STPG2: variants seen among roughly 807,000 people sequenced by gnomAD.
STPG2 encodes sperm-tail PG-rich repeat-containing protein 2.
Under a neutral mutation model 54.2 loss-of-function variants are expected in STPG2, and 56 were observed. The ratio of observed to expected loss-of-function variants is 1.03; its 90% CI spans 0.83 to 1.29. STPG2 has a LOEUF of 1.29. Among genes scored for constraint, STPG2 ranks in the 50% most tolerant of loss-of-function variants. The pLI, the probability that STPG2 is intolerant of heterozygous loss-of-function variation, is 0.00. For synonymous variants in STPG2, 200 were observed against 181.8 expected, an observed-to-expected ratio of 1.10 and a Z score of -0.81; for missense variants, 596 against 544.9, an observed-to-expected ratio of 1.09 and a Z score of -0.93.
chr4:97,665,236 G>A (rs886414460), intron 10 of STPG2, among the ~76,000 whole-genome samples: 10 of 152,146 alleles, frequency 6.6e-5, no homozygotes, highest in East Asian at 3.9e-4. Context: ...CTCTGTTTGC[G>A]TTACAGCTCT....
chr4:97,489,649 T>C (rs1270869214), intron 4 of STPG2: 1 of 151,710 alleles, frequency 6.6e-6, no homozygotes, highest in Non-Finnish European at 1.5e-5. Context: ...TGAGTTCTTA[T>C]ACTTTGAATG....
rs906544541 is a variant in STPG2, at chr4:97,789,499, A to G, written c.1204+51274T>C. ...GGTTTCCATTAACTAGGGAAAATCA[A>G]TTTACAATTGTTATAGTCTTTTCTT... On this transcript the variant is annotated intron_variant, in intron 9 of 10. Transcript: ENST00000295268. 2.8e-4 allele frequency among the ~76,000 whole-genome samples: 42 copies of G among 152,218 alleles called. 1 individual carries two copies. The highest frequency in any genetic ancestry group is 9.9e-4 in the African/African-American group (41 of 41,554).
intron 8 of STPG2, among the ~76,000 whole-genome samples, chr4:97,874,973 T>C (rs926452123): frequency 3.9e-5 from 6 of 152,082 alleles, no homozygotes; most frequent in Middle Eastern, 3.4e-3. Context: ...AGCCACCCAA[T>C]TGAAGGTAAT....
rs1248623043 is a variant in STPG2 at position 97,919,685 on chromosome 4, G to C, written c.1044+24212C>G. Among the ~76,000 whole-genome samples, 4 of 152,044 alleles carry C rather than the reference G, an allele frequency of 2.6e-5. No homozygotes were observed. The East Asian group carries it at 7.7e-4, about 29-fold the overall frequency. On this transcript the variant is annotated intron_variant, in intron 8 of 10. Transcript: ENST00000295268. ...TTTTTTTCAAAAACCTTCTCACGGAGAAAAATCTAAGGTCCAGAAACTTTA... is the reference window on the plus strand; with the variant it reads ...TTTTTTTCAAAAACCTTCTCACGGACAAAAATCTAAGGTCCAGAAACTTTA...
At chr4:97,553,923 T>C (rs1056606761), downstream of STPG2, among the ~76,000 whole-genome samples, 1 of 152,170 alleles carries the variant, frequency 6.6e-6, no homozygotes, top group African/African-American at 2.4e-5. Flanking sequence ...TAAGACTTGA[T>C]TTATTGAGTC....
chr4:97,779,147 A>G (rs1726502444), intron 9 of STPG2, among the ~76,000 whole-genome samples: 1 of 152,178 alleles, frequency 6.6e-6, no homozygotes, highest in Non-Finnish European at 1.5e-5. Context: ...GTAAAGGAAG[A>G]AAGTCGAACC....
At chr4:97,541,485 G>C (rs1049152915) in intron 4 of STPG2, among the ~76,000 whole-genome samples, 3 of 152,134 alleles carry the variant, frequency 2.0e-5, no homozygotes, top group Admixed American at 2.0e-4. Flanking sequence ...ACAAGCAAAT[G>C]GAAGAATATT....
chr4:97,684,433 A>C (rs1330014657), intron 10 of STPG2, among the ~76,000 whole-genome samples: 2 of 151,976 alleles, frequency 1.3e-5, no homozygotes, highest in African/African-American at 4.8e-5. Context: ...GACCAACACA[A>C]GTACAGCCAA....
intron 7 of STPG2, among the ~76,000 whole-genome samples, chr4:97,947,774 AT>A (rs1237997194): frequency 6.6e-6 from 1 of 151,994 alleles, no homozygotes; most frequent in Non-Finnish European, 1.5e-5. Context: ...ATGATGTATT[AT>A]CTTTCTGATG....
chr4:97,787,007 G>A (rs899849144), intron 9 of STPG2, among the ~76,000 whole-genome samples: 5 of 152,042 alleles, frequency 3.3e-5, no homozygotes, highest in Non-Finnish European at 7.4e-5. Flanking sequence ...GGAGGTTTTG[G>A]AACGTATCTT....
intron 8 of STPG2, among the ~76,000 whole-genome samples, chr4:97,911,351 A>G (rs995403685): frequency 6.6e-6 from 1 of 152,082 alleles, no homozygotes; most frequent in Admixed American, 6.5e-5. Context: ...AGCAGGCCCC[A>G]CTCCCAGAGC....
At chr4:97,905,588 T>C (rs1479916986) in intron 8 of STPG2, among the ~76,000 whole-genome samples, 1 of 151,002 alleles carries the variant, frequency 6.6e-6, no homozygotes, top group Non-Finnish European at 1.5e-5. Flanking sequence ...AATGACAGGA[T>C]CAAATTCACA....
At chr4:97,601,485 TTTTCCCGTATGGGTGA>T (rs1733460004) in intron 10 of STPG2, among the ~76,000 whole-genome samples, 2 of 152,150 alleles carry the variant, frequency 1.3e-5, no homozygotes, top group South Asian at 4.1e-4. Context: ...CAATTTCTTT[TTTTCCCGTATGGGTGA>T]TTGAATTTTT....
At chr4:97,879,654 T>C (rs1184212147) in intron 8 of STPG2, among the ~76,000 whole-genome samples, 3 of 152,134 alleles carry the variant, frequency 2.0e-5, no homozygotes, top group Non-Finnish European at 2.9e-5. Context: ...CAATTCAAGA[T>C]AAGATTTGGT....
chr4:98,042,637 C>A (rs1313172196), intron 5 of STPG2, among the ~76,000 whole-genome samples: 1 of 151,864 alleles, frequency 6.6e-6, no homozygotes, highest in African/African-American at 2.4e-5. Context: ...TTGTTATTGA[C>A]TTCTCTTTTA....
At chr4:97,564,563 G>T (rs1732368298) in intron 10 of STPG2, among the ~76,000 whole-genome samples, 2 of 152,270 alleles carry the variant, frequency 1.3e-5, no homozygotes, top group South Asian at 4.1e-4. Context: ...ATTTTGCAGT[G>T]ACTGGTACTG....
At position 98,051,094 on chromosome 4, in the gene STPG2, C is replaced by T. The variant is rs535655475; in HGVS notation, c.612+54859G>A. ...GTCTTCACTCCCCATCAACAGAAATCCAAACAATTGCTGAATCCTGTTCAC... is the reference window on the plus strand; with the variant it reads ...GTCTTCACTCCCCATCAACAGAAATTCAAACAATTGCTGAATCCTGTTCAC... On this transcript the variant is annotated intron_variant, in intron 5 of 10. Transcript: ENST00000295268. 2.0e-5 allele frequency among the ~76,000 whole-genome samples: 3 copies of T among 152,102 alleles called. No homozygotes were observed. In the South Asian group the frequency reaches 6.2e-4, roughly 32 times the overall value.
intron 5 of STPG2, among the ~76,000 whole-genome samples, chr4:98,056,928 G>A (rs1356587953): frequency 3.2e-5 from 4 of 126,600 alleles, no homozygotes; most frequent in South Asian, 2.6e-4. Context: ...GTAAGTTTCC[G>A]GAGGCCCCCC....
intron 6 of STPG2, among the ~76,000 whole-genome samples, chr4:97,978,228 T>C (rs1027193516): frequency 8.5e-5 from 13 of 152,172 alleles, no homozygotes; most frequent in Admixed American, 3.3e-4. Context: ...TGTATGTTCA[T>C]TGAGACACTA....
Sources: gnomAD v4.1 joint callset for allele counts (sites outside exome capture counted in the v4.1 genomes callset) on GRCh38, gnomAD v4.1.1 for gene constraint, MANE v1.5 for transcripts, NCBI Gene and HGNC (gene_info 2026-07-23, HGNC 2026-07-21) for gene names.